The following IL33 variants were observed in gnomAD, a reference collection of about 807,000 sequenced individuals.
IL33 encodes interleukin 33, also known as interleukin-33.
Under a neutral mutation model 27.3 loss-of-function variants are expected in IL33, and 37 were observed. The ratio of observed to expected loss-of-function variants is 1.36; its 90% CI spans 1.04 to 1.78. IL33 has a LOEUF of 1.78. Ranked by LOEUF, IL33 falls within the 40% of genes most tolerant of loss-of-function variation. IL33 has a pLI of 0.00. For missense variants in IL33, 406 were observed against 311.4 expected (o/e 1.30, Z -2.29); for synonymous variants, 132 against 102.9 (o/e 1.28, Z -1.71).
rs138462854 is a variant in IL33, at chr9:6,246,478, C to G, written c.92-3996C>G. 7.5e-3 allele frequency among the ~76,000 whole-genome samples: 1,143 copies of G among 152,238 alleles called. 9 individuals are homozygous for G. The highest frequency in any genetic ancestry group is 0.013 in the Non-Finnish European group (855 of 68,014). On this transcript the variant is annotated intron_variant, in intron 2 of 7. Transcript: ENST00000682010. ...TCAGGAAGCTGAGGCAGGAGAATTG[C>G]TGGAACCCAGGAGGCAGAGGTTGCA...
rs898056106 is a variant in IL33 at position 6,248,253 on chromosome 9, T to C, written c.92-2221T>C. On this transcript the variant is annotated intron_variant, in intron 2 of 7. Transcript: ENST00000682010. ...TTCTTTTCTTTTCTTTTTTTTTTTT[T>C]TTTTTTTTTTGAGACAGAGTCTCGC... is the stretch of plus-strand genomic sequence containing the variant. Among the ~76,000 whole-genome samples, 6 of 142,688 alleles carry C rather than the reference T, an allele frequency of 4.2e-5. No homozygotes were observed. The Admixed American group carries it at 4.2e-4, about 10-fold the overall frequency. The allele number at this position is 142,688 out of a possible 152,430, so 93.6% of individuals were successfully genotyped here.
At chr9:6,219,896 G>C (rs1451136841) in intron 1 of IL33, among the ~76,000 whole-genome samples, 1 of 152,166 alleles carries the variant, frequency 6.6e-6, no homozygotes, top group Non-Finnish European at 1.5e-5. Context: ...TTTCAGATCA[G>C]AGATTAAAGT....
intron 2 of IL33, among the ~76,000 whole-genome samples, chr9:6,246,281 C>T (rs189774079): frequency 2.8e-4 from 42 of 151,674 alleles, no homozygotes; most frequent in Middle Eastern, 3.4e-3. Context: ...GAGGTGGAAC[C>T]GGCTGGGTGC....
intron 2 of IL33, among the ~76,000 whole-genome samples, chr9:6,246,532 A>C (rs1819868833): frequency 6.6e-6 from 1 of 152,182 alleles, no homozygotes; most frequent in African/African-American, 2.4e-5. Flanking sequence ...ACTGCACTCC[A>C]GCCTGACAAC....
intron 2 of IL33, among the ~76,000 whole-genome samples, chr9:6,250,178 A>G (rs1816263362): frequency 6.6e-6 from 1 of 152,198 alleles, no homozygotes; most frequent in Non-Finnish European, 1.5e-5. Context: ...GTGAACTAAC[A>G]TAAGGTCTTT....
At chr9:6,224,535 T>C (rs956332901) in intron 1 of IL33, among the ~76,000 whole-genome samples, 2 of 152,186 alleles carry the variant, frequency 1.3e-5, no homozygotes, top group Admixed American at 6.5e-5. Flanking sequence ...AATTAAGTCA[T>C]GCAAACCACT....
chr9:6,250,510 A>G lies in IL33; in HGVS notation c.128A>G (p.Tyr43Cys). The part of the protein sequence containing the change: ...QQKAKEVCPM[Y>C]FMKLRSGLMI... ...AAGGCCAAAGAAGTTTGCCCCATGT[A>G]CTTTATGAAGCTCCGCTCTGGCCTT... is the stretch of plus-strand genomic sequence containing the variant. Residue 43 changes from tyrosine to cysteine, a missense_variant, in exon 3 of 8, where the codon TAC (tyrosine) becomes TGC (cysteine). Coordinates refer to ENST00000682010, the MANE Select transcript of IL33 (RefSeq NM_033439.4). 3 of 1,613,956 alleles carry G rather than the reference A, an allele frequency of 1.9e-6. No homozygotes were observed. The highest frequency in any genetic ancestry group is 1.7e-4 in the Middle Eastern group (1 of 6,058).
intron 2 of IL33, among the ~76,000 whole-genome samples, chr9:6,245,664 T>G (rs182446150): frequency 3.9e-5 from 6 of 152,250 alleles, no homozygotes; most frequent in African/African-American, 1.4e-4. Context: ...GGACTAGATT[T>G]CAGATATATT....
chr9:6,222,248 T>C (rs1375562233), intron 1 of IL33, among the ~76,000 whole-genome samples: 1 of 152,228 alleles, frequency 6.6e-6, no homozygotes, highest in Non-Finnish European at 1.5e-5. Flanking sequence ...AATAATCAAA[T>C]TTAATTTCAT....
At chr9:6,253,406 T>C (rs1368243346) in intron 5 of IL33, 146 bp from the exon 6 acceptor site, 1 of 555,772 alleles carries the variant, frequency 1.8e-6, no homozygotes, top group Non-Finnish European at 3.2e-6. Context: ...CGTGCATTTT[T>C]GAGACCTTTC....
Position 6,252,960 on chromosome 9 carries a change from T to G in IL33, c.438T>G (p.Tyr146Ter). 6.4e-7 allele frequency: 1 copy of G among 1,567,022 alleles called. No homozygotes were observed. Among genetic ancestry groups the G allele is most frequent in the Non-Finnish European group, 8.7e-7 (1 of 1,147,770 alleles). ...FALEDESYEI[Y>*]VEDLKKDEKK... ...TGGAGGATGAAAGTTATGAGATATA[T>G]GTTGAAGACTTGAAAAAAGATGAAA... The change falls in exon 5 of 8, where the codon TAT becomes TAG. Residue 146 changes from tyrosine to a stop codon, truncating the protein, a stop_gained. Transcript: ENST00000682010. LOFTEE classifies it high-confidence loss of function.
At chr9:6,225,994 A>G (rs1004305865) in intron 1 of IL33, among the ~76,000 whole-genome samples, 2 of 151,930 alleles carry the variant, frequency 1.3e-5, no homozygotes, top group East Asian at 3.9e-4. Context: ...ATATATGAAG[A>G]TGTGGATTTT....
At chr9:6,234,230 G>A (rs1819069508) in intron 1 of IL33, among the ~76,000 whole-genome samples, 1 of 152,166 alleles carries the variant, frequency 6.6e-6, no homozygotes, top group Admixed American at 6.5e-5. Flanking sequence ...CAAATGAAGA[G>A]CAAATCCACA....
chr9:6,230,515 C>G (rs961310657), intron 1 of IL33, among the ~76,000 whole-genome samples: 2 of 152,134 alleles, frequency 1.3e-5, no homozygotes, highest in African/African-American at 4.8e-5. Context: ...CTGCTACACC[C>G]AAGGGAGTAG....
rs563114487 is a variant in IL33 at position 6,241,369 on chromosome 9, C to T, written c.-11-315C>T. On this transcript the variant is annotated intron_variant, in intron 1 of 7. Transcript: ENST00000682010. ...TTGTTTACACCACCATCACCACAAA[C>T]ACGCAAGTAATGAATTGTTCTAGGA... Among the ~76,000 whole-genome samples the T allele has an allele frequency of 2.0e-5, 3 of 152,276 alleles. No homozygotes were observed. The South Asian group carries it at 6.2e-4, about 32-fold the overall frequency.
At chr9:6,224,897 T>A (rs1818563074) in intron 1 of IL33, among the ~76,000 whole-genome samples, 1 of 152,132 alleles carries the variant, frequency 6.6e-6, no homozygotes, top group Admixed American at 6.5e-5. Context: ...TTTTTTTTTT[T>A]ACAGTTTTGT....
intron 1 of IL33, among the ~76,000 whole-genome samples, chr9:6,231,261 G>A (rs928252847): frequency 6.6e-6 from 1 of 152,104 alleles, no homozygotes; most frequent in Non-Finnish European, 1.5e-5. Context: ...TGAAATCCAA[G>A]CTTCTTCCTT....
intron 2 of IL33, among the ~76,000 whole-genome samples, chr9:6,249,882 G>C (rs985083598): frequency 2.0e-5 from 3 of 152,160 alleles, no homozygotes; most frequent in African/African-American, 7.2e-5. Flanking sequence ...TAGACACTTA[G>C]CAAATGGTAG....
At position 6,252,853 on chromosome 9, in the gene IL33, T is replaced by C. The variant is rs903895948; in HGVS notation, c.344-13T>C. On this transcript the variant is annotated splice_polypyrimidine_tract_variant and intron_variant, in intron 4 of 7. Coordinates refer to ENST00000682010, the MANE Select transcript of IL33 (RefSeq NM_033439.4). ...GAATTGTGCCTGACAAATTTTTGAA[T>C]TCTTAACAACAGGAATTTCACCTAT... The C allele has an allele frequency of 5.6e-6, 9 of 1,595,208 alleles. No homozygotes were observed. In the Admixed American group the frequency reaches 1.5e-4, roughly 27 times the overall value.
Sources: gnomAD v4.1 joint callset for allele counts (sites outside exome capture counted in the v4.1 genomes callset) on GRCh38, gnomAD v4.1.1 for gene constraint, MANE v1.5 for transcripts, NCBI Gene and HGNC (gene_info 2026-07-23, HGNC 2026-07-21) for gene names.